DNAH7: variants seen among roughly 807,000 people sequenced by gnomAD.
DNAH7 encodes the protein dynein axonemal heavy chain 7.
DNAH7 carries 397 observed loss-of-function variants against 444.6 expected under a neutral mutation model. The ratio of observed to expected loss-of-function variants is 0.89; its 90% CI spans 0.82 to 0.97. The LOEUF is 0.97. DNAH7 is among the 50% of genes least tolerant of loss of function. The probability of loss-of-function intolerance (pLI) is 0.00; values close to 1 mark genes in which losing one functional copy is unlikely to be tolerated. For missense variants in DNAH7, 4,902 were observed against 4,800.8 expected, an observed-to-expected ratio of 1.02 and a Z score of -0.62; for synonymous variants, 1,636 against 1,624.4, an observed-to-expected ratio of 1.01 and a Z score of -0.17.
At chr2:195,958,509 G>A (rs868209725) in intron 18 of DNAH7, among the ~76,000 whole-genome samples, 37 of 151,970 alleles carry the variant, frequency 2.4e-4, no homozygotes, top group African/African-American at 8.2e-4. Flanking sequence ...GGGGGTCAGC[G>A]CCCCTAAAAC....
At chr2:195,892,468 T>A (rs952640354) in intron 30 of DNAH7, 1 of 149,552 alleles carries the variant, frequency 6.7e-6, no homozygotes, top group Non-Finnish European at 1.5e-5. Context: ...TAATGCCCTT[T>A]GGACATAATC....
At chr2:195,792,714 C>A (rs755220029) in intron 57 of DNAH7, among the ~76,000 whole-genome samples, 1 of 149,146 alleles carries the variant, frequency 6.7e-6, no homozygotes, top group Non-Finnish European at 1.5e-5. Flanking sequence ...CCTATTCTTA[C>A]AAAATTTACA....
intron 15 of DNAH7, among the ~76,000 whole-genome samples, chr2:195,976,784 A>AGAGAGAGAGAGAGAGAGAGAGAGAGG (rs1271382845): frequency 2.7e-5 from 4 of 146,028 alleles, no homozygotes; most frequent in Non-Finnish European, 5.9e-5. Flanking sequence ...AGAGAGAGAG[A>AGAGAGAGAGAGAGAGAGAGAGAGAGG]GAGACTCTCT....
At chr2:195,798,606 T>G (rs1841730) in intron 55 of DNAH7, among the ~76,000 whole-genome samples, 2,430 of 144,434 alleles carry the variant, frequency 0.017, 28 homozygotes, top group Middle Eastern at 0.048. Context: ...TGCTATGGCG[T>G]GATCTCGGCT....
At position 196,026,051 on chromosome 2, in the gene DNAH7, C is replaced by A. The variant is rs1007541713; in HGVS notation, c.667+709G>T. Among the ~76,000 whole-genome samples, 4 of 152,062 alleles carry A rather than the reference C, an allele frequency of 2.6e-5. No individual in the cohort carries two copies. The East Asian group carries it at 7.7e-4, about 29-fold the overall frequency. Reference sequence around the variant, plus strand: ...AGCCTTAGAATCTATTTGTCTGTACCATGGGTCAACAAATTATTTATGTAA... The same window carrying A: ...AGCCTTAGAATCTATTTGTCTGTACAATGGGTCAACAAATTATTTATGTAA... On this transcript the variant is annotated intron_variant, in intron 7 of 64. Coordinates refer to ENST00000312428, the MANE Select transcript of DNAH7 (RefSeq NM_018897.3).
In DNAH7 at chr2:195,796,613, G is replaced by A. The variant is rs1301473487; in HGVS notation, c.10478C>T (p.Ala3493Val). The change falls in exon 56 of 65, where the codon GCC (alanine) becomes GTC (valine). Residue 3493 changes from alanine (A) to valine (V), a missense_variant. Transcript: ENST00000312428. ...CTCAAGGGTTGGCATCCAAGAGGTG[G>A]CAAGGTGACAATTCTGAAGAACAAC... ...TWVVLQNCHL[A>V]TSWMPTLEKV... 1.2e-6 allele frequency: 2 copies of A among 1,614,112 alleles called. No homozygotes were observed. Among genetic ancestry groups the A allele is most frequent in the Non-Finnish European group, 1.7e-6 (2 of 1,179,990 alleles).
chr2:195,818,210 A>T (rs16840220), intron 49 of DNAH7, among the ~76,000 whole-genome samples: 1 of 152,206 alleles, frequency 6.6e-6, no homozygotes, highest in African/African-American at 2.4e-5. Context: ...CTCTAGAATC[A>T]TAATAGTTGG....
At chr2:195,804,305 T>C (rs553726281) in intron 54 of DNAH7, among the ~76,000 whole-genome samples, 4 of 152,364 alleles carry the variant, frequency 2.6e-5, no homozygotes, top group African/African-American at 9.6e-5. Flanking sequence ...TATTATTTTA[T>C]CATACATAGA....
Position 195,738,093 on chromosome 2 carries a change from G to A in DNAH7, c.11903C>T (p.Pro3968Leu). The A allele has an allele frequency of 6.2e-7, 1 of 1,613,824 alleles. No individual in the cohort carries two copies. The highest frequency in any genetic ancestry group is 8.5e-7 in the Non-Finnish European group (1 of 1,179,820). Residue 3968 changes from proline (P) to leucine (L), a missense_variant, in exon 65 of 65, where the codon CCA (proline) becomes CTA (leucine). Pro to Leu is a moderately conservative substitution (Grantham distance 98). Transcript: ENST00000312428. ...TGGAGCAACATAACTTGGCCGTTTTGGTATATCTGCCCTCTTACAGGGCTT... is the reference window on the plus strand; with the variant it reads ...TGGAGCAACATAACTTGGCCGTTTTAGTATATCTGCCCTCTTACAGGGCTT... ...WLKPCKRADI[P>L]KRPSYVAPLY...
intron 44 of DNAH7, among the ~76,000 whole-genome samples, chr2:195,856,582 G>T (rs183748330): frequency 6.6e-6 from 1 of 152,066 alleles, no homozygotes; most frequent in East Asian, 1.9e-4. Flanking sequence ...ATTAAAATTG[G>T]ATATGAGTTT....
intron 54 of DNAH7, among the ~76,000 whole-genome samples, chr2:195,800,310 T>C (rs1696383780): frequency 6.6e-6 from 1 of 152,216 alleles, no homozygotes; most frequent in Non-Finnish European, 1.5e-5. Context: ...ATGTTGTCCA[T>C]ATGTATATTT....
At chr2:195,858,999 C>G (rs1448793970) in intron 42 of DNAH7, among the ~76,000 whole-genome samples, 195 bp from the exon 43 acceptor site, 2 of 152,170 alleles carry the variant, frequency 1.3e-5, no homozygotes, top group Non-Finnish European at 2.9e-5. Flanking sequence ...TAAGAGCAGA[C>G]AGCGTGTTTT....
chr2:195,970,203 G>T, intron 16 of DNAH7, 109 bp from the exon 17 acceptor site: 1 of 1,015,524 alleles, frequency 9.8e-7, no homozygotes, highest in Non-Finnish European at 1.4e-6. Flanking sequence ...TTTGTCACTG[G>T]TAAAACATAA....
At chr2:195,917,995 C>T (rs570654714) in intron 24 of DNAH7, among the ~76,000 whole-genome samples, 52 of 152,142 alleles carry the variant, frequency 3.4e-4, no homozygotes, top group Non-Finnish European at 5.7e-4. Flanking sequence ...ACAATACAAA[C>T]GCAAGCTACA....
At chr2:195,815,741 G>A (rs1056141640) in intron 51 of DNAH7, among the ~76,000 whole-genome samples, 6 of 152,140 alleles carry the variant, frequency 3.9e-5, no homozygotes, top group African/African-American at 1.2e-4. Flanking sequence ...GGTGGCTCAC[G>A]CCTGTAATCC....
chr2:195,837,659 T>TA (rs1698445124), intron 47 of DNAH7, among the ~76,000 whole-genome samples: 1 of 145,868 alleles, frequency 6.9e-6, no homozygotes, highest in South Asian at 2.1e-4. Flanking sequence ...CATGTTTTGC[T>TA]TTTTTTTTAC....
At chr2:195,788,139 G>T (rs1695716883) in intron 57 of DNAH7, among the ~76,000 whole-genome samples, 1 of 152,178 alleles carries the variant, frequency 6.6e-6, no homozygotes, top group Non-Finnish European at 1.5e-5. Flanking sequence ...GAGCTCAAGG[G>T]TCAGCTTTAA....
intron 47 of DNAH7, 88 bp downstream of exon 47, chr2:195,844,914 A>T: frequency 8.3e-7 from 1 of 1,204,700 alleles, no homozygotes; most frequent in Non-Finnish European, 1.1e-6. Context: ...AATACTGTAA[A>T]AGTTTGCTAC....
At chr2:195,813,344 C>T (rs190667052) in intron 51 of DNAH7, among the ~76,000 whole-genome samples, 6 of 152,226 alleles carry the variant, frequency 3.9e-5, no homozygotes, top group Non-Finnish European at 1.5e-5. Context: ...TTCCTCCTCT[C>T]GTTGAATATA....
Sources: gnomAD v4.1 joint callset for allele counts (sites outside exome capture counted in the v4.1 genomes callset) on GRCh38, gnomAD v4.1.1 for gene constraint, MANE v1.5 for transcripts, NCBI Gene and HGNC (gene_info 2026-07-23, HGNC 2026-07-21) for gene names.